UNC5D: variants seen among roughly 807,000 people sequenced by gnomAD.
The protein encoded by UNC5D is netrin receptor UNC5D.
In UNC5D, 39 loss-of-function variants were observed where a neutral mutation model predicts 105.4. The observed-to-expected ratio is 0.37, with a 90% CI of 0.29 to 0.48. The LOEUF is 0.48. Ranked by LOEUF, UNC5D falls within the 20% of genes least tolerant of loss-of-function variation. UNC5D has a pLI of 0.98. For missense variants in UNC5D, 991 were observed against 1,202.4 expected (o/e 0.82, Z 2.60); for synonymous variants, 452 against 450.4 (o/e 1.00, Z -0.04).
At chr8:35,284,410 G>A (rs967591684) in intron 1 of UNC5D, among the ~76,000 whole-genome samples, 5 of 152,086 alleles carry the variant, frequency 3.3e-5, no homozygotes, top group African/African-American at 4.8e-5. Context: ...CTAAATCCCA[G>A]ACTTAATGCA....
intron 1 of UNC5D, among the ~76,000 whole-genome samples, chr8:35,258,693 A>G (rs974808656): frequency 3.3e-5 from 5 of 152,188 alleles, no homozygotes; most frequent in African/African-American, 1.2e-4. Flanking sequence ...CTGTGCTGGA[A>G]ACTGAGATCT....
At chr8:35,526,778 C>T (rs932630315) in intron 1 of UNC5D, among the ~76,000 whole-genome samples, 4 of 151,688 alleles carry the variant, frequency 2.6e-5, no homozygotes, top group Non-Finnish European at 5.9e-5. Flanking sequence ...TATTCAAATG[C>T]CTCCCCTCAT....
At chr8:35,349,445 A>C (rs1812050662) in intron 1 of UNC5D, among the ~76,000 whole-genome samples, 1 of 151,976 alleles carries the variant, frequency 6.6e-6, no homozygotes, top group South Asian at 2.1e-4. Context: ...TACTATTGCC[A>C]CTGATTTCAT....
intron 13 of UNC5D, among the ~76,000 whole-genome samples, chr8:35,757,641 C>T (rs575644895): frequency 6.6e-6 from 1 of 152,282 alleles, no homozygotes; most frequent in African/African-American, 2.4e-5. Context: ...TGTAAGTTTC[C>T]TGGTGGCGAG....
chr8:35,584,221 C>A (rs1280981854), intron 3 of UNC5D, among the ~76,000 whole-genome samples: 1 of 152,062 alleles, frequency 6.6e-6, no homozygotes, highest in Non-Finnish European at 1.5e-5. Context: ...GGCAGTGGCC[C>A]TGAGACACCA....
At chr8:35,498,094 A>C (rs1196986444) in intron 1 of UNC5D, among the ~76,000 whole-genome samples, 15 of 104,394 alleles carry the variant, frequency 1.4e-4, no homozygotes, top group Admixed American at 3.5e-4. Flanking sequence ...CAAAAAAAAA[A>C]AAAAAAAAAA....
intron 1 of UNC5D, among the ~76,000 whole-genome samples, chr8:35,305,484 A>G (rs924324161): frequency 6.6e-6 from 1 of 152,102 alleles, no homozygotes; most frequent in Non-Finnish European, 1.5e-5. Context: ...GTAAAATACC[A>G]TAGAATTGTG....
At chr8:35,300,823 G>A (rs891811217) in intron 1 of UNC5D, among the ~76,000 whole-genome samples, 2 of 152,112 alleles carry the variant, frequency 1.3e-5, no homozygotes, top group Non-Finnish European at 1.5e-5. Flanking sequence ...GGATTTCTTT[G>A]TATTGAAAAA....
At chr8:35,286,567 G>C (rs1265056887) in intron 1 of UNC5D, among the ~76,000 whole-genome samples, 1 of 152,180 alleles carries the variant, frequency 6.6e-6, no homozygotes, top group Non-Finnish European at 1.5e-5. Context: ...CTGCATGTCA[G>C]TGATTACTCA....
chr8:35,625,434 A>G (rs1433892283), intron 4 of UNC5D, among the ~76,000 whole-genome samples: 1 of 152,238 alleles, frequency 6.6e-6, no homozygotes, highest in East Asian at 1.9e-4. Context: ...CAAACACATC[A>G]ACAAAATGTG....
rs35935733 is a variant in UNC5D, at chr8:35,292,716, CTTTTTTTTT to C, written c.103+56839_103+56847del. 4.9e-5 allele frequency among the ~76,000 whole-genome samples: 6 copies of C among 123,638 alleles called. 1 individual carries two copies. The highest frequency in any genetic ancestry group is 2.6e-4 in the South Asian group (1 of 3,832). 81.1% of individuals were successfully genotyped at this position (123,638 alleles called of 152,430 possible). ...ATGCTGTAGTCCCTCCTTTTTTTTC[CTTTTTTTTT>C]TTTTTTTTTGAGACAGAGTCTCACT... On this transcript the variant is annotated intron_variant, in intron 1 of 16. Transcript: ENST00000404895.
chr8:35,371,668 A>G (rs1044252612), intron 1 of UNC5D, among the ~76,000 whole-genome samples: 16 of 151,710 alleles, frequency 1.1e-4, no homozygotes, highest in African/African-American at 3.4e-4. Flanking sequence ...GACTCACAGG[A>G]AAAAAAAATC....
chr8:35,248,665 T>A (rs1347571437), intron 1 of UNC5D, among the ~76,000 whole-genome samples: 1 of 96,976 alleles, frequency 1.0e-5, no homozygotes, highest in African/African-American at 4.4e-5. Flanking sequence ...TAAATATAAA[T>A]ATATGTTATA....
chr8:35,540,065 A>G (rs904368253), intron 1 of UNC5D, among the ~76,000 whole-genome samples: 6 of 152,200 alleles, frequency 3.9e-5, no homozygotes, highest in African/African-American at 1.4e-4. Flanking sequence ...CTCACTCTTG[A>G]AAACTGTCAG....
intron 4 of UNC5D, among the ~76,000 whole-genome samples, chr8:35,655,001 G>A (rs1270618520): frequency 6.6e-6 from 1 of 152,148 alleles, no homozygotes; most frequent in Non-Finnish European, 1.5e-5. Context: ...ACTACAGAAT[G>A]TACTAGGACA....
intron 3 of UNC5D, among the ~76,000 whole-genome samples, chr8:35,593,168 GA>G (rs35132267): frequency 1.3e-5 from 2 of 151,598 alleles, no homozygotes; most frequent in South Asian, 2.1e-4. Flanking sequence ...GGAATGGGGA[GA>G]AAAAAAATGA....
intron 1 of UNC5D, among the ~76,000 whole-genome samples, chr8:35,504,938 C>G (rs1433990382): frequency 1.3e-5 from 2 of 152,210 alleles, no homozygotes; most frequent in Non-Finnish European, 1.5e-5. Context: ...TCATGTGTAG[C>G]CCCCCAAAAC....
In UNC5D at chr8:35,795,975, A is replaced by G. The variant is rs1398254465; in HGVS notation, c.*5412A>G. 1 of 152,154 alleles carries G rather than the reference A, an allele frequency of 6.6e-6. No homozygotes were observed. The highest frequency in any genetic ancestry group is 1.5e-5 in the Non-Finnish European group (1 of 68,030). 9.4% of individuals were successfully genotyped at this position (152,154 alleles called of 1,614,324 possible). On this transcript the variant is annotated 3_prime_UTR_variant, in exon 17 of 17. Transcript: ENST00000404895. ...AAAATATGAGTACTTGCGTACCTCC[A>G]TTTCTGCATGAAGATTTTAAAACAG...
At chr8:35,685,601 A>G (rs1361032996) in intron 6 of UNC5D, among the ~76,000 whole-genome samples, 1 of 152,184 alleles carries the variant, frequency 6.6e-6, no homozygotes, top group African/African-American at 2.4e-5. Flanking sequence ...CTTATGTTCA[A>G]TAAGCATTTA....
Sources: allele counts gnomAD v4.1 joint callset (sites outside exome capture counted in the v4.1 genomes callset), GRCh38; gene constraint gnomAD v4.1.1; transcripts MANE v1.5; gene names NCBI Gene and HGNC (gene_info 2026-07-23, HGNC 2026-07-21).